The following SBNO1 variants were observed in gnomAD, a reference collection of about 807,000 sequenced individuals.
The protein encoded by SBNO1 is protein strawberry notch homolog 1.
SBNO1 carries 23 observed loss-of-function variants against 173.6 expected under a neutral mutation model. The ratio of observed to expected loss-of-function variants is 0.13; its 90% CI spans 0.10 to 0.19. The LOEUF (loss-of-function observed/expected upper bound fraction) is 0.19. SBNO1 is among the 10% of genes least tolerant of loss of function. The pLI is 1.00. For synonymous variants in SBNO1, 632 were observed against 571.5 expected (o/e 1.11, Z -1.51); for missense variants, 1,238 against 1,671.2 (o/e 0.74, Z 4.52).
At chr12:123,306,716 T>C (rs986620383) in intron 28 of SBNO1, among the ~76,000 whole-genome samples, 10 of 152,086 alleles carry the variant, frequency 6.6e-5, no homozygotes, top group African/African-American at 2.2e-4. Flanking sequence ...CTATGGGGGA[T>C]AGCCGAGTAA....
At chr12:123,321,921 A>G (rs1486095782) in intron 16 of SBNO1, among the ~76,000 whole-genome samples, 189 bp from the exon 17 acceptor site, 1 of 152,272 alleles carries the variant, frequency 6.6e-6, no homozygotes, top group East Asian at 1.9e-4. Context: ...ATAAGGTTAT[A>G]AACATTTATT....
intron 2 of SBNO1, 152 bp downstream of exon 2, chr12:123,350,158 G>A (rs1018460999): frequency 1.2e-6 from 1 of 802,970 alleles, no homozygotes; most frequent in Non-Finnish European, 2.0e-6. Flanking sequence ...GGGGGCTGAG[G>A]CAGAAGGATG....
chr12:123,307,276 A>G (rs1008113981), intron 28 of SBNO1, among the ~76,000 whole-genome samples: 1 of 152,132 alleles, frequency 6.6e-6, no homozygotes, highest in Non-Finnish European at 1.5e-5. Context: ...GTCAAGGATC[A>G]GCAGCTTAGG....
At chr12:123,353,656 T>C (rs777216683) in intron 1 of SBNO1, among the ~76,000 whole-genome samples, 11 of 152,178 alleles carry the variant, frequency 7.2e-5, no homozygotes, top group African/African-American at 2.2e-4. Context: ...CATTTGACCA[T>C]ACTTTTACAA....
chr12:123,348,048 G>A lies in SBNO1; in HGVS notation c.218C>T (p.Pro73Leu), dbSNP rs142370734. ...VKQEPETVPT[P>L]ALLNVRQQPP... Reference sequence around the variant, plus strand: ...TCTTACCCTCACATTTAATAGTGCTGGAGTAGGTACAGTCTCTGGTTCTTG... The same window carrying A: ...TCTTACCCTCACATTTAATAGTGCTAGAGTAGGTACAGTCTCTGGTTCTTG... The change falls in exon 3 of 32, where the codon CCA (proline) becomes CTA (leucine). Residue 73 changes from proline to leucine, a missense_variant. This residue lies in a region of SBNO1 where 287 missense variants were observed against 274.1 expected (regional missense o/e 1.05). Coordinates refer to ENST00000602398, the MANE Select transcript of SBNO1 (RefSeq NM_001167856.3). The A allele has an allele frequency of 1.4e-5, 23 of 1,603,380 alleles. No individual in the cohort carries two copies. The highest frequency in any genetic ancestry group is 1.6e-5 in the Non-Finnish European group (19 of 1,170,880).
At chr12:123,321,235 G>A (rs1231170407) in intron 17 of SBNO1, among the ~76,000 whole-genome samples, 5 of 152,090 alleles carry the variant, frequency 3.3e-5, no homozygotes, top group Non-Finnish European at 7.4e-5. Context: ...CACCGCGCCT[G>A]GATGAAATTT....
rs1244799992 is a variant in SBNO1, at chr12:123,320,583, C to T, written c.2516G>A (p.Ser839Asn). The change falls in exon 19 of 32, where the codon AGT becomes AAT. Residue 839 changes from serine to asparagine, a missense_variant. Physicochemically the swap from Ser to Asn is conservative, Grantham distance 46. Coordinates refer to ENST00000602398, the MANE Select transcript of SBNO1 (RefSeq NM_001167856.3). ...AGCATCCTGACTTGTTATAAGGCTA[C>T]TGTTACTGTTGGTGTTACTGTTAGC... ...TPANSNTNSNSSLITSQDAVE... is the reference protein window; with the variant it reads ...TPANSNTNSNNSLITSQDAVE... 6.2e-7 allele frequency: 1 copy of T among 1,613,630 alleles called. No individual in the cohort carries two copies. The highest frequency in any genetic ancestry group is 8.5e-7 in the Non-Finnish European group (1 of 1,179,864).
intron 1 of SBNO1, chr12:123,364,487 G>T: frequency 1.0e-6 from 1 of 983,954 alleles, no homozygotes; most frequent in Non-Finnish European, 1.2e-6. Flanking sequence ...GACGAACAGA[G>T]GAAGCGAGTA....
chr12:123,328,482 C>A (rs987828820), intron 10 of SBNO1, among the ~76,000 whole-genome samples: 1 of 152,138 alleles, frequency 6.6e-6, no homozygotes, highest in Admixed American at 6.5e-5. Flanking sequence ...TGTTAATCCT[C>A]AAAAGGGGAA....
chr12:123,335,409 C>T (rs1427212486), intron 6 of SBNO1, among the ~76,000 whole-genome samples: 2 of 152,152 alleles, frequency 1.3e-5, no homozygotes, highest in Non-Finnish European at 2.9e-5. Flanking sequence ...CAAGAGCATG[C>T]CACTGCACTC....
chr12:123,317,377 A>G (rs1192080310), intron 20 of SBNO1, 21 bp from the exon 21 acceptor site: 1 of 1,613,024 alleles, frequency 6.2e-7, no homozygotes, highest in Non-Finnish European at 8.5e-7. Context: ...TATAAGAAAA[A>G]TAAAGTCACT....
chr12:123,328,096 G>C (rs1870793903), intron 10 of SBNO1, 69 bp from the exon 11 acceptor site: 1 of 1,318,770 alleles, frequency 7.6e-7, no homozygotes, highest in Non-Finnish European at 1.1e-6. Context: ...TTCAAGAAGA[G>C]TTAACTTTTA....
chr12:123,352,899 G>A, intron 1 of SBNO1, among the ~76,000 whole-genome samples: 1 of 152,162 alleles, frequency 6.6e-6, no homozygotes, highest in Non-Finnish European at 1.5e-5. Flanking sequence ...CCAGGTTCAA[G>A]AAATTCTCCT....
Position 123,294,563 on chromosome 12 carries a change from G to A in SBNO1, c.*1345C>T, listed in dbSNP as rs539816741. ...ATAACTTTTTATTTGACATCTACAA[G>A]ATTTTGGCATCTTGCAGCTTTTTAC... On this transcript the variant is annotated 3_prime_UTR_variant, in exon 32 of 32. Transcript: ENST00000602398. 8.0e-6 allele frequency: 1 copy of A among 124,694 alleles called. No individual in the cohort carries two copies. The highest frequency in any genetic ancestry group is 3.2e-5 in the African/African-American group (1 of 31,378). The allele number at this position is 124,694 out of a possible 1,614,324, so 7.7% of individuals were successfully genotyped here.
intron 1 of SBNO1, among the ~76,000 whole-genome samples, chr12:123,358,737 C>T (rs1422645277): frequency 6.2e-5 from 4 of 64,834 alleles, no homozygotes; most frequent in Non-Finnish European, 1.1e-4. Context: ...AGCAAGACTC[C>T]GTCTCAAAAA....
chr12:123,363,438 C>T (rs1204538942), intron 1 of SBNO1, among the ~76,000 whole-genome samples: 4 of 152,154 alleles, frequency 2.6e-5, no homozygotes, highest in Admixed American at 1.3e-4. Context: ...TAGGGCACTC[C>T]GGATGACAGT....
Position 123,343,214 on chromosome 12 carries a change from T to C in SBNO1, c.550+2044A>G, listed in dbSNP as rs542386432. ...CGCCATTGCACTCCAGCCTGGGCGATGGAATGAGACTTCGTCTCACAAAAA... is the reference window on the plus strand; with the variant it reads ...CGCCATTGCACTCCAGCCTGGGCGACGGAATGAGACTTCGTCTCACAAAAA... On this transcript the variant is annotated intron_variant, in intron 4 of 31. Coordinates refer to ENST00000602398, the MANE Select transcript of SBNO1 (RefSeq NM_001167856.3). Among the ~76,000 whole-genome samples the C allele has an allele frequency of 3.0e-4, 45 of 152,274 alleles. 1 individual carries two copies. Among genetic ancestry groups the C allele is most frequent in the Non-Finnish European group, 5.7e-4 (39 of 68,030 alleles).
chr12:123,298,292 G>A, intron 30 of SBNO1, 121 bp from the exon 31 acceptor site: 1 of 1,035,302 alleles, frequency 9.7e-7, no homozygotes, highest in Non-Finnish European at 1.4e-6. Context: ...TTGAGATGGA[G>A]TTTTGCTCTT....
At chr12:123,357,741 A>G (rs1874631092) in intron 1 of SBNO1, among the ~76,000 whole-genome samples, 1 of 152,144 alleles carries the variant, frequency 6.6e-6, no homozygotes, top group Admixed American at 6.6e-5. Flanking sequence ...GCGAAAGAGG[A>G]GACTCCATCT....
Sources: allele counts gnomAD v4.1 joint callset (sites outside exome capture counted in the v4.1 genomes callset), GRCh38; gene constraint gnomAD v4.1.1; regional missense constraint gnomAD v4.1.1; transcripts MANE v1.5; gene names NCBI Gene and HGNC (gene_info 2026-07-23, HGNC 2026-07-21).